The following TMEM63A variants were observed in gnomAD, a reference collection of about 807,000 sequenced individuals.
The protein encoded by TMEM63A is transmembrane protein 63A.
Under a neutral mutation model 100.6 loss-of-function variants are expected in TMEM63A, and 76 were observed. That is an observed-to-expected ratio of 0.76 (90% CI 0.63 to 0.91). The LOEUF is 0.91. TMEM63A is among the 40% of genes least tolerant of loss of function. TMEM63A has a pLI of 0.00. For synonymous variants in TMEM63A, 401 were observed against 401.1 expected (o/e 1.00, Z 0.00); for missense variants, 876 against 1,008.8 (o/e 0.87, Z 1.78).
downstream of TMEM63A, chr1:225,844,547 A>T: frequency 6.2e-7 from 1 of 1,614,136 alleles, no homozygotes; most frequent in Non-Finnish European, 8.5e-7. Context: ...CTACTGGACA[A>T]CAGGCACCAT....
In TMEM63A at chr1:225,856,965, G is replaced by C; in HGVS notation, c.1430C>G (p.Ala477Gly). The change falls in exon 16 of 25, where the codon GCC becomes GGC. Residue 477 changes from alanine to glycine, a missense_variant. This residue lies in a region of TMEM63A where 487 missense variants were observed against 581.9 expected (regional missense o/e 0.84). Coordinates refer to ENST00000366835, the MANE Select transcript of TMEM63A (RefSeq NM_014698.3). ...FPTLLLWSFS[A>G]LLPSIVYYST... The stretch of plus-strand genomic sequence containing the variant: ...GTAGTAGACAATGGAGGGGAGCAGG[G>C]CCGAGAAGGACCAGAGCAGGAGGGT... 6.2e-7 allele frequency: 1 copy of C among 1,602,458 alleles called. No homozygotes were observed. Among genetic ancestry groups the C allele is most frequent in the Non-Finnish European group, 8.5e-7 (1 of 1,176,956 alleles).
intron 1 of TMEM63A, among the ~76,000 whole-genome samples, chr1:225,881,838 G>C (rs1409783922): frequency 6.7e-6 from 1 of 149,660 alleles, no homozygotes; most frequent in African/African-American, 2.5e-5. Context: ...TCCCTCCTCA[G>C]GACTCCGCCA....
chr1:225,861,957 G>T, intron 13 of TMEM63A: 1 of 556,570 alleles, frequency 1.8e-6, no homozygotes, highest in Non-Finnish European at 3.2e-6. Context: ...CAGCAGTGGG[G>T]CCAGGCCACA....
downstream of TMEM63A, chr1:225,842,394 T>C (rs770506597): frequency 6.2e-7 from 1 of 1,613,940 alleles, no homozygotes; most frequent in Non-Finnish European, 8.5e-7. Flanking sequence ...CTCCTGTGGG[T>C]CTGGCTGCCT....
Position 225,857,602 on chromosome 1 carries a change from TA to T in TMEM63A, c.1378-586del, listed in dbSNP as rs887731690. 7.4e-3 allele frequency among the ~76,000 whole-genome samples: 1,058 copies of T among 143,660 alleles called. 4 individuals are homozygous for T. The highest frequency in any genetic ancestry group is 0.024 in the African/African-American group (929 of 39,276). The allele number at this position is 143,660 out of a possible 152,430, so 94.2% of individuals were successfully genotyped here. On this transcript the variant is annotated intron_variant, in intron 15 of 24. Coordinates refer to ENST00000366835, the MANE Select transcript of TMEM63A (RefSeq NM_014698.3). ...GAAAGACTTAATAAAAGTCAATTTC[TA>T]AAAAAAAAAACAAAACGCTGTTAAT...
chr1:225,867,182 A>T lies in TMEM63A; in HGVS notation c.515-19T>A. ...TCTTTGTCTGCAGAGAAGCACAGAT[A>T]CTTAGTTCCAGGGTCATGTGGGGAA... On this transcript the variant is annotated intron_variant, in intron 7 of 24. Transcript: ENST00000366835. The surrounding 1 kb of genome is among the most constrained non-coding windows in gnomAD (Gnocchi z 4.6). 1 of 1,614,068 alleles carries T rather than the reference A, an allele frequency of 6.2e-7. No individual in the cohort carries two copies. Among genetic ancestry groups the T allele is most frequent in the Middle Eastern group, 1.6e-4 (1 of 6,062 alleles).
Position 225,871,063 on chromosome 1 carries a change from C to CG in TMEM63A, c.371+12dup. 6.2e-7 allele frequency: 1 copy of CG among 1,613,784 alleles called. No homozygotes were observed. The highest frequency in any genetic ancestry group is 1.1e-5 in the South Asian group (1 of 91,054). ...CCAAAGGCCCCCCAGCAGCTGCCCCCGGGTGTACTCACTGCAGACGGAAGA... is the reference window on the plus strand; with the variant it reads ...CCAAAGGCCCCCCAGCAGCTGCCCCCGGGGTGTACTCACTGCAGACGGAAGA... On this transcript the variant is annotated intron_variant, in intron 6 of 24. Coordinates refer to ENST00000366835, the MANE Select transcript of TMEM63A (RefSeq NM_014698.3).
intron 4 of TMEM63A, among the ~76,000 whole-genome samples, chr1:225,873,176 C>T (rs1052887631): frequency 6.6e-6 from 1 of 152,178 alleles, no homozygotes; most frequent in Non-Finnish European, 1.5e-5. Context: ...GGGCCTTGAC[C>T]AAGGTCGCAC....
At chr1:225,847,412 GCA>G (rs1398269137) in intron 23 of TMEM63A, 199 bp from the exon 24 acceptor site, 3 of 612,294 alleles carry the variant, frequency 4.9e-6, no homozygotes, top group African/African-American at 1.8e-5. Flanking sequence ...AAAAGAGAAA[GCA>G]CAGTTATACA....
downstream of TMEM63A, among the ~76,000 whole-genome samples, chr1:225,841,520 G>T (rs937130804): frequency 4.6e-5 from 7 of 151,508 alleles, no homozygotes; most frequent in South Asian, 2.1e-4. Flanking sequence ...CTGACCTCAG[G>T]TGATCCACCC....
chr1:225,850,129 ACCT>A (rs1559033809), intron 20 of TMEM63A, 50 bp from the exon 21 acceptor site: 4 of 1,593,856 alleles, frequency 2.5e-6, no homozygotes. Flanking sequence ...CCACACAGAC[ACCT>A]CTGTCCTCTT....
In TMEM63A at chr1:225,852,689, G is replaced by C. The variant is rs377135043; in HGVS notation, c.1878C>G (p.Ile626Met). 1.3e-5 allele frequency: 21 copies of C among 1,613,302 alleles called. No individual in the cohort carries two copies. Among genetic ancestry groups the C allele is most frequent in the Non-Finnish European group, 1.7e-5 (20 of 1,180,038 alleles). Residue 626 changes from isoleucine to methionine, a missense_variant, in exon 20 of 25, where the codon ATC becomes ATG. Transcript: ENST00000366835. ...CAAATGGCGCGATGATGGGACAAGT[G>C]ATGCTGTAGGCCACGATGACAGTGA... ...CVFTVIVAYSITCPIIAPFGL... is the reference protein window; with the variant it reads ...CVFTVIVAYSMTCPIIAPFGL...
At chr1:225,856,553 G>T in intron 17 of TMEM63A, 99 bp downstream of exon 17, 2 of 1,254,974 alleles carry the variant, frequency 1.6e-6, no homozygotes, top group Non-Finnish European at 2.3e-6. Context: ...ATTGTTAGAG[G>T]TTTGCTTCTG....
At chr1:225,849,148 C>T (rs1251522744) in intron 21 of TMEM63A, 136 bp from the exon 22 acceptor site, 6 of 654,868 alleles carry the variant, frequency 9.2e-6, no homozygotes, top group African/African-American at 3.7e-5. Flanking sequence ...AAAGGTAAGG[C>T]CTAACCCCCC....
In TMEM63A at chr1:225,869,852, G is replaced by A. The variant is rs1293511680; in HGVS notation, c.371+1224C>T. ...TAATTTTTGTATTTTTAGTAGAGACGGAGTTTCACCATGTTGGCCAGGCTG... is the reference window on the plus strand; with the variant it reads ...TAATTTTTGTATTTTTAGTAGAGACAGAGTTTCACCATGTTGGCCAGGCTG... On this transcript the variant is annotated intron_variant, in intron 6 of 24. Transcript: ENST00000366835. Among the ~76,000 whole-genome samples the A allele has an allele frequency of 4.0e-5, 6 of 151,088 alleles. No individual in the cohort carries two copies. In the South Asian group the frequency reaches 6.3e-4, roughly 16 times the overall value.
chr1:225,854,889 G>A (rs931050461), intron 18 of TMEM63A, among the ~76,000 whole-genome samples: 7 of 152,206 alleles, frequency 4.6e-5, no homozygotes, highest in African/African-American at 1.4e-4. Flanking sequence ...GGTGACAAGA[G>A]GATGCTGCGA....
rs753018849 is a variant in TMEM63A, at chr1:225,850,043, C to T, written c.1940G>A (p.Arg647Gln). The change falls in exon 21 of 25, where the codon CGG becomes CAG. Residue 647 changes from arginine (R) to glutamine (Q), a missense_variant. Arg to Gln is a conservative substitution (Grantham distance 43, BLOSUM62 1). Around this residue, in one of 5 missense-constraint regions of TMEM63A, gnomAD observed 339 missense variants for 342.3 expected, o/e 0.99. Coordinates refer to ENST00000366835, the MANE Select transcript of TMEM63A (RefSeq NM_014698.3). ...IYILLKHMVD[R>Q]HNLYFVYLPA... ...GAGGTAGACGAAGTAGAGGTTGTGC[C>T]GGTCCACCATGTGCTTGAGCAGGAT... 7 of 1,614,058 alleles carry T rather than the reference C, an allele frequency of 4.3e-6. No homozygotes were observed. The highest frequency in any genetic ancestry group is 2.2e-5 in the East Asian group (1 of 44,886).
chr1:225,860,307 T>C (rs1164220752), intron 14 of TMEM63A: 1 of 152,592 alleles, frequency 6.6e-6, no homozygotes, highest in Non-Finnish European at 1.5e-5. Flanking sequence ...AGGGCCCCCA[T>C]GGACACAGCT....
chr1:225,843,071 C>T (rs546701942), downstream of TMEM63A, among the ~76,000 whole-genome samples: 2 of 152,308 alleles, frequency 1.3e-5, no homozygotes, highest in African/African-American at 4.8e-5. Flanking sequence ...GAGACTGAAT[C>T]CTGCCTTGGG....
Sources: gnomAD v4.1 joint callset for allele counts (sites outside exome capture counted in the v4.1 genomes callset) on GRCh38, gnomAD v4.1.1 for gene constraint, gnomAD v4.1.1 regional missense constraint, Gnocchi (gnomAD v3.1) non-coding constraint, MANE v1.5 for transcripts, NCBI Gene and HGNC (gene_info 2026-07-23, HGNC 2026-07-21) for gene names.